PIK3R1: variants seen among roughly 807,000 people sequenced by gnomAD.
PIK3R1 encodes the protein phosphoinositide-3-kinase regulatory subunit 1.
Under a neutral mutation model 98.0 loss-of-function variants are expected in PIK3R1, and 29 were observed. That is an observed-to-expected ratio of 0.30 (90% CI 0.22 to 0.40). The LOEUF is 0.40. PIK3R1 is among the 10% of genes least tolerant of loss of function. The pLI, the probability that PIK3R1 is intolerant of heterozygous loss-of-function variation, is 1.00. For missense variants in PIK3R1, 596 were observed against 872.7 expected (o/e 0.68, Z 3.99); for synonymous variants, 282 against 311.8 (o/e 0.90, Z 1.01).
chr5:68,299,447 A>G lies in PIK3R1; in HGVS notation c.*1846A>G. 4.3e-6 allele frequency: 1 copy of G among 233,350 alleles called. No homozygotes were observed. The highest frequency in any genetic ancestry group is 8.5e-6 in the Non-Finnish European group (1 of 117,938). 14.5% of individuals were successfully genotyped at this position (233,350 alleles called of 1,614,324 possible). ...GTGCTTCACTACGGGGGGGAGAAGG[A>G]AACGTTAGCATCATGTTTCCCATTT... On this transcript the variant is annotated 3_prime_UTR_variant, in exon 16 of 16. Transcript: ENST00000521381.
At chr5:68,294,847 T>G (rs920143646) in intron 12 of PIK3R1, among the ~76,000 whole-genome samples, 169 bp downstream of exon 12, 1 of 151,818 alleles carries the variant, frequency 6.6e-6, no homozygotes, top group South Asian at 2.1e-4. Context: ...CATTGGGAGA[T>G]ATACCTAATG....
At chr5:68,256,253 G>A (rs562547798) in intron 2 of PIK3R1, among the ~76,000 whole-genome samples, 19 of 152,082 alleles carry the variant, frequency 1.2e-4, no homozygotes, top group Admixed American at 9.8e-4. Flanking sequence ...TTGTTGAGAC[G>A]GAGTCTCGCT....
intron 2 of PIK3R1, among the ~76,000 whole-genome samples, chr5:68,248,024 C>A (rs1745169315): frequency 1.3e-5 from 2 of 149,716 alleles, no homozygotes; most frequent in African/African-American, 2.5e-5. Context: ...CAGGGTCTTG[C>A]TCTGCTGCCC....
At chr5:68,246,777 C>T (rs1745110936) in intron 2 of PIK3R1, among the ~76,000 whole-genome samples, 2 of 152,210 alleles carry the variant, frequency 1.3e-5, no homozygotes, top group Non-Finnish European at 2.9e-5. Flanking sequence ...GCGCCTGCCA[C>T]CACGTTGTGT....
Position 68,226,878 on chromosome 5 carries a change from A to C in PIK3R1, c.203A>C (p.Asp68Ala). The stretch of plus-strand genomic sequence containing the variant: ...AATGAAACCACAGGGGAAAGGGGGG[A>C]CTTTCCGGGAACTTACGTAGAATAT... ...GYNETTGERGDFPGTYVEYIG... is the reference protein window; with the variant it reads ...GYNETTGERGAFPGTYVEYIG... The change falls in exon 2 of 16, where the codon GAC (aspartate) becomes GCC (alanine). Residue 68 changes from aspartate to alanine, a missense_variant. Physicochemically the swap from Asp to Ala is moderately radical, Grantham distance 126. This residue lies in a region of PIK3R1 where 352 missense variants were observed against 393.3 expected (regional missense o/e 0.90). Coordinates refer to ENST00000521381, the MANE Select transcript of PIK3R1 (RefSeq NM_181523.3). The C allele has an allele frequency of 6.2e-7, 1 of 1,613,976 alleles. No homozygotes were observed. Among genetic ancestry groups the C allele is most frequent in the Non-Finnish European group, 8.5e-7 (1 of 1,179,980 alleles).
chr5:68,284,487 G>T (rs1420770271), intron 7 of PIK3R1, among the ~76,000 whole-genome samples: 1 of 152,190 alleles, frequency 6.6e-6, no homozygotes, highest in Non-Finnish European at 1.5e-5. Flanking sequence ...CCTCCATCTT[G>T]CCTAGGTGCC....
At chr5:68,225,566 C>T (rs1744242758) in intron 1 of PIK3R1, among the ~76,000 whole-genome samples, 1 of 152,184 alleles carries the variant, frequency 6.6e-6, no homozygotes, top group Non-Finnish European at 1.5e-5. Flanking sequence ...TTTCACTCCT[C>T]CCCTTTCCAC....
chr5:68,237,849 C>T (rs1191895260), intron 2 of PIK3R1, among the ~76,000 whole-genome samples: 1 of 152,010 alleles, frequency 6.6e-6, no homozygotes, highest in Non-Finnish European at 1.5e-5. Flanking sequence ...CAGGGCAGAC[C>T]CATCTCTTCC....
rs556305771 is a variant in PIK3R1 at position 68,299,137 on chromosome 5, G to A, written c.*1536G>A. ...TTTGTTTTTGGGTTCCTGGAACAGC[G>A]CTCACCTTTGTTTAGAACACTGGTT... On this transcript the variant is annotated 3_prime_UTR_variant, in exon 16 of 16. Transcript: ENST00000521381. 4.3e-5 allele frequency: 10 copies of A among 233,246 alleles called. No homozygotes were observed. The highest frequency in any genetic ancestry group is 6.6e-5 in the African/African-American group (3 of 45,248). 14.4% of individuals were successfully genotyped at this position (233,246 alleles called of 1,614,324 possible). A position where few individuals can be genotyped will look rare whatever the true frequency, so the allele number is the denominator to read the frequency against.
In PIK3R1 at chr5:68,297,556, C is replaced by G. The variant is rs1747795790; in HGVS notation, c.2130C>G (p.Leu710=). 3.7e-6 allele frequency: 6 copies of G among 1,614,080 alleles called. No individual in the cohort carries two copies. Among genetic ancestry groups the G allele is most frequent in the Non-Finnish European group, 5.1e-6 (6 of 1,180,026 alleles). Residue 710 remains leucine (L), a synonymous_variant, in exon 16 of 16, where the codon CTC becomes CTG. Coordinates refer to ENST00000521381, the MANE Select transcript of PIK3R1 (RefSeq NM_181523.3). ...CCCTTGTGCAGCACAACGACTCCCT[C>G]AATGTCACACTAGCCTACCCAGTAT... ...HTSLVQHNDS[L]NVTLAYPVYA... is the part of the protein sequence containing the mutation.
At chr5:68,242,819 C>G (rs1367770651) in intron 2 of PIK3R1, among the ~76,000 whole-genome samples, 1 of 152,164 alleles carries the variant, frequency 6.6e-6, no homozygotes, top group Non-Finnish European at 1.5e-5. Flanking sequence ...GCGTGACTAT[C>G]CAGGGAAAGC....
chr5:68,270,144 G>A (rs1469245792), intron 2 of PIK3R1, among the ~76,000 whole-genome samples: 1 of 152,122 alleles, frequency 6.6e-6, no homozygotes, highest in Non-Finnish European at 1.5e-5. Context: ...GTGTAGCACA[G>A]TGCTTTTCAG....
chr5:68,224,379 T>TC (rs1195591956), intron 1 of PIK3R1, among the ~76,000 whole-genome samples: 1 of 152,244 alleles, frequency 6.6e-6, no homozygotes, highest in Non-Finnish European at 1.5e-5. Context: ...TTGATTTTTT[T>TC]CTCCGACAAC....
intron 1 of PIK3R1, among the ~76,000 whole-genome samples, chr5:68,218,219 T>C (rs1276239391): frequency 6.6e-6 from 1 of 152,206 alleles, no homozygotes; most frequent in African/African-American, 2.4e-5. Flanking sequence ...TAGACAGTGA[T>C]GATGGTGGTA....
intron 8 of PIK3R1, chr5:68,292,880 CA>C (rs2112249195): frequency 1.4e-6 from 1 of 708,998 alleles, no homozygotes; most frequent in African/African-American, 1.8e-5. Flanking sequence ...CAATTGCTAA[CA>C]TTTCTATTTA....
chr5:68,220,364 C>T (rs1486279866), intron 1 of PIK3R1, among the ~76,000 whole-genome samples: 1 of 152,180 alleles, frequency 6.6e-6, no homozygotes, highest in Non-Finnish European at 1.5e-5. Flanking sequence ...AGGTCCTCTT[C>T]ATTGTGATGA....
chr5:68,264,069 A>G (rs1746018955), intron 2 of PIK3R1, among the ~76,000 whole-genome samples: 1 of 152,226 alleles, frequency 6.6e-6, no homozygotes, highest in South Asian at 2.1e-4. Context: ...AGCCAGCTAT[A>G]TTTAGCTGGA....
chr5:68,222,783 C>T (rs1047002401), intron 1 of PIK3R1, among the ~76,000 whole-genome samples: 15 of 152,096 alleles, frequency 9.9e-5, no homozygotes, highest in Non-Finnish European at 1.5e-5. Context: ...GAGTGATCAG[C>T]TTGTGCAGGC....
At chr5:68,265,866 A>AG (rs1746102100) in intron 2 of PIK3R1, among the ~76,000 whole-genome samples, 3 of 152,236 alleles carry the variant, frequency 2.0e-5, no homozygotes, top group Non-Finnish European at 4.4e-5. Flanking sequence ...TCAACTTTTC[A>AG]GGATATTTAA....
Sources: allele counts gnomAD v4.1 joint callset (sites outside exome capture counted in the v4.1 genomes callset), GRCh38; gene constraint gnomAD v4.1.1; regional missense constraint gnomAD v4.1.1; transcripts MANE v1.5; gene names NCBI Gene and HGNC (gene_info 2026-07-23, HGNC 2026-07-21).